CDH2: variants seen among roughly 807,000 people sequenced by gnomAD.
CDH2 encodes cadherin-2.
Under a neutral mutation model 92.0 loss-of-function variants are expected in CDH2, and 17 were observed. The observed-to-expected ratio is 0.18, with a 90% CI of 0.13 to 0.28. CDH2 has a LOEUF of 0.28. Ranked by LOEUF, CDH2 falls within the 10% of genes least tolerant of loss-of-function variation. The pLI, the probability that CDH2 is intolerant of heterozygous loss-of-function variation, is 1.00. For synonymous variants in CDH2, 419 were observed against 415.9 expected, an observed-to-expected ratio of 1.01 and a Z score of -0.09; for missense variants, 862 against 1,133.1, an observed-to-expected ratio of 0.76 and a Z score of 3.44.
intron 11 of CDH2, among the ~76,000 whole-genome samples, chr18:27,986,035 C>T (rs2012222333): frequency 6.6e-6 from 1 of 152,106 alleles, no homozygotes; most frequent in Non-Finnish European, 1.5e-5. Context: ...CCCTCCCTGC[C>T]CCTCCTGCCC....
intron 2 of CDH2, among the ~76,000 whole-genome samples, chr18:28,117,161 G>T (rs1000608718): frequency 2.0e-5 from 3 of 152,028 alleles, no homozygotes; most frequent in Admixed American, 6.6e-5. Flanking sequence ...GGGATGCCAT[G>T]GCACACAAAA....
At chr18:28,134,245 T>G (rs2015824813) in intron 2 of CDH2, among the ~76,000 whole-genome samples, 1 of 149,810 alleles carries the variant, frequency 6.7e-6, no homozygotes, top group African/African-American at 2.5e-5. Flanking sequence ...ACTCCAGCAG[T>G]GACAGATCAG....
intron 7 of CDH2, among the ~76,000 whole-genome samples, chr18:27,993,838 G>A (rs971690857): frequency 6.6e-6 from 1 of 152,164 alleles, no homozygotes; most frequent in Non-Finnish European, 1.5e-5. Flanking sequence ...ATTTAACTGT[G>A]TATATTCACC....
chr18:28,168,224 CAAGTAA>C (rs1480788477), intron 1 of CDH2, among the ~76,000 whole-genome samples: 7 of 152,136 alleles, frequency 4.6e-5, no homozygotes, highest in African/African-American at 1.7e-4. Flanking sequence ...GGTCAAGTTA[CAAGTAA>C]AATAGTTCTA....
Position 28,176,079 on chromosome 18 carries a change from G to T in CDH2, c.60+884C>A, listed in dbSNP as rs796138863. The stretch of plus-strand genomic sequence containing the variant: ...TGCAGTGGCGAGGGAACCTGCGCCC[G>T]GACTGGAGCAGGTGCTTCCTGCCGC... On this transcript the variant is annotated intron_variant, in intron 1 of 15. Transcript: ENST00000269141. Among the ~76,000 whole-genome samples, 11 of 152,338 alleles carry T rather than the reference G, an allele frequency of 7.2e-5. 1 individual carries two copies. The highest frequency in any genetic ancestry group is 2.6e-4 in the African/African-American group (11 of 41,588).
intron 2 of CDH2, among the ~76,000 whole-genome samples, chr18:28,068,899 A>G (rs2014563829): frequency 6.6e-6 from 1 of 152,204 alleles, no homozygotes. Context: ...TAGATTACAT[A>G]GAGGACAAGT....
At chr18:28,086,066 A>G (rs980809067) in intron 2 of CDH2, among the ~76,000 whole-genome samples, 1 of 152,178 alleles carries the variant, frequency 6.6e-6, no homozygotes, top group Non-Finnish European at 1.5e-5. Flanking sequence ...CTTTGAGACC[A>G]TGTTAATTTT....
In CDH2 at chr18:28,172,735, A is replaced by T. The variant is rs193257221; in HGVS notation, c.60+4228T>A. Among the ~76,000 whole-genome samples, 254 of 152,306 alleles carry T rather than the reference A, an allele frequency of 1.7e-3. 1 individual carries two copies. Among genetic ancestry groups the T allele is most frequent in the African/African-American group, 5.9e-3 (244 of 41,586 alleles). On this transcript the variant is annotated intron_variant, in intron 1 of 15. Transcript: ENST00000269141. ...ATCTAAGCAGTGCCTAAACTTGATT[A>T]CTTTTTTGTATTTGAGCCAAAAGAA...
At chr18:28,090,143 A>T (rs2015009194) in intron 2 of CDH2, among the ~76,000 whole-genome samples, 1 of 152,240 alleles carries the variant, frequency 6.6e-6, no homozygotes, top group African/African-American at 2.4e-5. Flanking sequence ...ACAAAACAGA[A>T]TTATACACAA....
chr18:28,103,457 T>TAC (rs1491459774), intron 2 of CDH2, among the ~76,000 whole-genome samples: 1 of 135,330 alleles, frequency 7.4e-6, no homozygotes, highest in Non-Finnish European at 1.5e-5. Flanking sequence ...TATATATATA[T>TAC]ACACATAAAG....
chr18:28,160,199 G>GC (rs1168341518), intron 1 of CDH2, among the ~76,000 whole-genome samples: 4 of 151,868 alleles, frequency 2.6e-5, no homozygotes, highest in African/African-American at 9.7e-5. Flanking sequence ...AAGACTATAG[G>GC]CCAAGGATCC....
chr18:28,098,907 G>A (rs1025189987), intron 2 of CDH2, among the ~76,000 whole-genome samples: 3 of 152,048 alleles, frequency 2.0e-5, no homozygotes, highest in African/African-American at 7.2e-5. Flanking sequence ...AAGTCTCAAG[G>A]AATAGGTGAA....
intron 7 of CDH2, among the ~76,000 whole-genome samples, chr18:28,002,474 C>T (rs1332206669): frequency 6.6e-6 from 1 of 152,144 alleles, no homozygotes; most frequent in African/African-American, 2.4e-5. Flanking sequence ...AATGCAGTTA[C>T]TACTGCTTAA....
chr18:27,976,519 G>A (rs962824447), intron 14 of CDH2, among the ~76,000 whole-genome samples: 1 of 152,160 alleles, frequency 6.6e-6, no homozygotes, highest in African/African-American at 2.4e-5. Context: ...TTGAACATGA[G>A]CTTTGTAAAG....
intron 14 of CDH2, among the ~76,000 whole-genome samples, chr18:27,980,924 C>G (rs968651656): frequency 1.1e-4 from 17 of 152,092 alleles, no homozygotes; most frequent in African/African-American, 3.9e-4. Context: ...CACTTAATCT[C>G]AAGCATCAAT....
At chr18:28,007,290 A>T (rs917373413) in intron 5 of CDH2, among the ~76,000 whole-genome samples, 2 of 151,064 alleles carry the variant, frequency 1.3e-5, no homozygotes, top group Non-Finnish European at 2.9e-5. Context: ...TTTAAACAAA[A>T]ATATTCATTT....
intron 2 of CDH2, among the ~76,000 whole-genome samples, chr18:28,059,301 G>A (rs1388021123): frequency 1.3e-5 from 2 of 152,122 alleles, no homozygotes; most frequent in African/African-American, 4.8e-5. Context: ...CTAAGTTGTG[G>A]TCATACTCTC....
chr18:28,098,482 T>C (rs2015173673), intron 2 of CDH2, among the ~76,000 whole-genome samples: 1 of 152,136 alleles, frequency 6.6e-6, no homozygotes, highest in Admixed American at 6.6e-5. Context: ...TGCATTTCTG[T>C]TTAAAGACAC....
chr18:27,943,496 T>C (rs985834084), intron 6 of CDH2, among the ~76,000 whole-genome samples: 3 of 152,270 alleles, frequency 2.0e-5, no homozygotes, highest in African/African-American at 7.2e-5. Context: ...CGTAAAGTTT[T>C]CACACAACTA....
Sources: gnomAD v4.1 joint callset for allele counts (sites outside exome capture counted in the v4.1 genomes callset) on GRCh38, gnomAD v4.1.1 for gene constraint, MANE v1.5 for transcripts, NCBI Gene and HGNC (gene_info 2026-07-23, HGNC 2026-07-21) for gene names.